The following LGALS8 variants were observed in gnomAD, a reference collection of about 807,000 sequenced individuals.
LGALS8 encodes galectin 8.
Under a neutral mutation model 35.9 loss-of-function variants are expected in LGALS8, and 30 were observed. The observed-to-expected ratio is 0.83, with a 90% CI of 0.62 to 1.13. LGALS8 has a LOEUF of 1.13. LGALS8 is among the 50% of genes most tolerant of loss of function. The pLI, the probability that LGALS8 is intolerant of heterozygous loss-of-function variation, is 0.00. For synonymous variants in LGALS8, 138 were observed against 136.1 expected (o/e 1.01, Z -0.10); for missense variants, 366 against 388.7 (o/e 0.94, Z 0.49).
intron 5 of LGALS8, among the ~76,000 whole-genome samples, chr1:236,540,920 G>T (rs957188254): frequency 2.6e-5 from 4 of 152,142 alleles, no homozygotes; most frequent in Admixed American, 2.0e-4. Context: ...ACAGTTTTTA[G>T]CTGGGTAGCA....
chr1:236,542,802 C>G lies in LGALS8; in HGVS notation c.549+15C>G, dbSNP rs755690357. 1.9e-6 allele frequency: 3 copies of G among 1,614,194 alleles called. No homozygotes were observed. In the East Asian group the frequency reaches 6.7e-5, roughly 36 times the overall value. Reference sequence around the variant, plus strand: ...CGCCCCAGCTTGTGAGTATTTTTGCCTGGGTTATTTCATGTGGAATATTTT... The same window carrying G: ...CGCCCCAGCTTGTGAGTATTTTTGCGTGGGTTATTTCATGTGGAATATTTT... On this transcript the variant is annotated intron_variant, in intron 7 of 9. Coordinates refer to ENST00000366584, the MANE Select transcript of LGALS8 (RefSeq NM_201544.4).
At chr1:236,534,995 A>G (rs138506302) in intron 2 of LGALS8, among the ~76,000 whole-genome samples, 2,750 of 139,024 alleles carry the variant, frequency 0.02, 28 homozygotes, top group Middle Eastern at 0.05. Flanking sequence ...CGGGAGGCAG[A>G]GGTTGCAGTG....
At chr1:236,543,173 C>T (rs188775373) in intron 7 of LGALS8, 157 of 770,630 alleles carry the variant, frequency 2.0e-4, no homozygotes, top group Non-Finnish European at 3.1e-4. Flanking sequence ...TGGACGGATT[C>T]GAGAGTCAAC....
rs554194193 is a variant in LGALS8, at chr1:236,525,048, T to TA, written c.-103-919dup. ...TTTCCTGGAGCTATTAAATGTAGTG[T>TA]AGTGTCCATGAGTGCTTTTATCTTA... On this transcript the variant is annotated intron_variant, in intron 1 of 9. Coordinates refer to ENST00000366584, the MANE Select transcript of LGALS8 (RefSeq NM_201544.4). Among the ~76,000 whole-genome samples the TA allele has an allele frequency of 2.1e-3, 325 of 152,312 alleles. 2 individuals carry two copies. The highest frequency in any genetic ancestry group is 7.4e-3 in the African/African-American group (309 of 41,564).
upstream of LGALS8, among the ~76,000 whole-genome samples, chr1:236,520,451 T>C (rs150186320): frequency 1.9e-4 from 29 of 151,868 alleles, 1 homozygote; most frequent in East Asian, 5.6e-3. Flanking sequence ...GCTATAATGC[T>C]GCTTCTCCAT....
intron 4 of LGALS8, chr1:236,540,285 C>T (rs2103095618): frequency 3.2e-6 from 1 of 308,574 alleles, no homozygotes; most frequent in East Asian, 5.6e-5. Flanking sequence ...CACATGTATG[C>T]AGAGGCGCAC....
intron 4 of LGALS8, chr1:236,540,260 C>T (rs543142664): frequency 3.6e-4 from 94 of 258,758 alleles, no homozygotes; most frequent in Middle Eastern, 2.1e-3. Flanking sequence ...AGGCGACCTT[C>T]GAACCCAGAT....
In LGALS8 at chr1:236,549,815, C is replaced by T. The variant is rs1454099082; in HGVS notation, c.*1654C>T. ...AAGTCTTAAGTTCATTTTCATTTTA[C>T]GTGGAGGAAAAAAATTTAAAAAGCT... On this transcript the variant is annotated 3_prime_UTR_variant, in exon 10 of 10. Coordinates refer to ENST00000366584, the MANE Select transcript of LGALS8 (RefSeq NM_201544.4). 7 of 152,166 alleles carry T rather than the reference C, an allele frequency of 4.6e-5. No homozygotes were observed. In the East Asian group the frequency reaches 1.3e-3, roughly 29 times the overall value. The allele number at this position is 152,166 out of a possible 1,614,324, so 9.4% of individuals were successfully genotyped here. A position where few individuals can be genotyped will look rare whatever the true frequency, so the allele number is the denominator to read the frequency against.
At chr1:236,544,398 G>A (rs938168208) in intron 8 of LGALS8, among the ~76,000 whole-genome samples, 3 of 152,198 alleles carry the variant, frequency 2.0e-5, no homozygotes, top group Admixed American at 6.5e-5. Flanking sequence ...GAAGGAACAC[G>A]GGTAGATGAT....
At position 236,526,681 on chromosome 1, in the gene LGALS8, G is replaced by A. The variant is rs959192216; in HGVS notation, c.45+566G>A. 1.3e-5 allele frequency among the ~76,000 whole-genome samples: 2 copies of A among 152,130 alleles called. No individual in the cohort carries two copies. Among genetic ancestry groups the A allele is most frequent in the African/African-American group, 4.8e-5 (2 of 41,424 alleles). On this transcript the variant is annotated intron_variant, in intron 2 of 9. Coordinates refer to ENST00000366584, the MANE Select transcript of LGALS8 (RefSeq NM_201544.4). This position sits in a 1 kb window ranked among gnomAD's most constrained non-coding sequence, Gnocchi z 4.6. ...TGTAATCCTGAGCAGTAAAGAGCTT[G>A]TTTTAGTTTTATGTGGTGGTGAGAA...
chr1:236,528,183 C>A (rs1223201910), intron 2 of LGALS8, among the ~76,000 whole-genome samples: 1 of 152,110 alleles, frequency 6.6e-6, no homozygotes, highest in African/African-American at 2.4e-5. Flanking sequence ...GAGTTCAAGA[C>A]CAGCCTGGCC....
chr1:236,544,881 CCT>C lies in LGALS8; in HGVS notation c.773_774del (p.Ser258PhefsTer4), dbSNP rs762883188. 2.2e-5 allele frequency: 36 copies of C among 1,612,724 alleles called. No individual in the cohort carries two copies. The highest frequency in any genetic ancestry group is 3.0e-5 in the Non-Finnish European group (35 of 1,179,406). On this transcript the variant is annotated frameshift_variant, in exon 9 of 10. Transcript: ENST00000366584. LOFTEE classifies it high-confidence loss of function. Reference sequence around the variant, plus strand: ...TGGGGAGAAGAAGAGAGAAATATTACCTCTTTCCCATTTAGTCCTGGGATGTA... The same window carrying C: ...TGGGGAGAAGAAGAGAGAAATATTACCTTTCCCATTTAGTCCTGGGATGTA...
At position 236,537,651 on chromosome 1, in the gene LGALS8, C is replaced by G; in HGVS notation, c.134+66C>G. ...TCTTTTTGTGATTGTGGAATGATAA[C>G]AGAGTAAGGCGGGAGAGACCATTTG... On this transcript the variant is annotated intron_variant, in intron 3 of 9. Transcript: ENST00000366584. 5.2e-6 allele frequency: 6 copies of G among 1,155,008 alleles called. No individual in the cohort carries two copies. In the East Asian group the frequency reaches 7.0e-5, roughly 14 times the overall value. 71.5% of individuals were successfully genotyped at this position (1,155,008 alleles called of 1,614,324 possible).
At chr1:236,543,355 C>CT (rs1252028178) in intron 7 of LGALS8, 21 of 690,824 alleles carry the variant, frequency 3.0e-5, no homozygotes, top group Non-Finnish European at 4.2e-5. Context: ...ATTTCATCGT[C>CT]TAAAATGTAA....
intron 1 of LGALS8, 133 bp from the exon 2 acceptor site, chr1:236,525,835 A>C (rs1660786131): frequency 2.8e-6 from 1 of 359,206 alleles, no homozygotes; most frequent in African/African-American, 2.0e-5. Context: ...TGGGAGGCAG[A>C]TCGTTGATTG....
chr1:236,537,453 A>C (rs1352362526), intron 2 of LGALS8, 44 bp from the exon 3 acceptor site: 2 of 1,235,038 alleles, frequency 1.6e-6, no homozygotes, highest in African/African-American at 2.9e-5. Flanking sequence ...TTAGTAAGTA[A>C]TTTTGTTTAT....
intron 2 of LGALS8, among the ~76,000 whole-genome samples, chr1:236,534,819 C>A (rs1338711396): frequency 2.0e-5 from 3 of 151,920 alleles, no homozygotes; most frequent in Non-Finnish European, 4.4e-5. Flanking sequence ...CCCAAAGCAA[C>A]CCCAGTACTT....
intron 1 of LGALS8, chr1:236,525,452 G>C (rs1482568304): frequency 6.6e-6 from 1 of 150,974 alleles, no homozygotes; most frequent in Non-Finnish European, 1.5e-5. Flanking sequence ...GCCCAGGCTG[G>C]AGTGCAGTGG....
chr1:236,522,115 A>G (rs1184340775), upstream of LGALS8, among the ~76,000 whole-genome samples: 1 of 152,234 alleles, frequency 6.6e-6, no homozygotes, highest in Admixed American at 6.5e-5. Flanking sequence ...TAATTGAACA[A>G]CAGTGCCAAA....
Sources: gnomAD v4.1 joint callset for allele counts (sites outside exome capture counted in the v4.1 genomes callset) on GRCh38, gnomAD v4.1.1 for gene constraint, Gnocchi (gnomAD v3.1) non-coding constraint, MANE v1.5 for transcripts, NCBI Gene and HGNC (gene_info 2026-07-23, HGNC 2026-07-21) for gene names.